GRM8: variants seen among roughly 807,000 people sequenced by gnomAD.
The protein encoded by GRM8 is glutamate metabotropic receptor 8.
Under a neutral mutation model 87.2 loss-of-function variants are expected in GRM8, and 47 were observed. The observed-to-expected ratio is 0.54, with a 90% CI of 0.43 to 0.69. The LOEUF is 0.69. Ranked by LOEUF, GRM8 falls within the 30% of genes least tolerant of loss-of-function variation. The pLI is 0.00. For missense variants in GRM8, 1,019 were observed against 1,139.2 expected, an observed-to-expected ratio of 0.89 and a Z score of 1.52; for synonymous variants, 396 against 404.5, an observed-to-expected ratio of 0.98 and a Z score of 0.25.
At chr7:126,664,890 T>A (rs1428314081) in intron 7 of GRM8, among the ~76,000 whole-genome samples, 4 of 152,114 alleles carry the variant, frequency 2.6e-5, no homozygotes, top group Admixed American at 6.5e-5. Context: ...ATATCCAGAA[T>A]CTATAAGGAA....
At chr7:127,077,654 T>C (rs1284195152) in intron 3 of GRM8, among the ~76,000 whole-genome samples, 1 of 152,176 alleles carries the variant, frequency 6.6e-6, no homozygotes, top group Non-Finnish European at 1.5e-5. Flanking sequence ...AACAAACCAC[T>C]TCGAACTGAC....
At chr7:127,026,275 T>C (rs1816768733) in intron 3 of GRM8, among the ~76,000 whole-genome samples, 1 of 152,186 alleles carries the variant, frequency 6.6e-6, no homozygotes, top group African/African-American at 2.4e-5. Flanking sequence ...TGGTTCCAAG[T>C]CTTTGCTATT....
intron 9 of GRM8, among the ~76,000 whole-genome samples, chr7:126,479,316 A>G (rs1265520895): frequency 6.6e-6 from 1 of 152,094 alleles, no homozygotes; most frequent in Non-Finnish European, 1.5e-5. Flanking sequence ...GAGCTTTGCA[A>G]CCATAAATGT....
chr7:127,162,014 A>G (rs763028302), intron 2 of GRM8, among the ~76,000 whole-genome samples: 8 of 152,204 alleles, frequency 5.3e-5, no homozygotes, highest in Admixed American at 1.3e-4. Context: ...AGTGAACACA[A>G]TGGAATATTA....
chr7:126,812,040 G>A (rs890237135), intron 6 of GRM8, among the ~76,000 whole-genome samples: 6 of 151,692 alleles, frequency 4.0e-5, no homozygotes, highest in Non-Finnish European at 7.4e-5. Flanking sequence ...CATTATTCTG[G>A]TGAAGGATAC....
chr7:126,827,861 C>T (rs994186567), intron 6 of GRM8, among the ~76,000 whole-genome samples: 1 of 152,130 alleles, frequency 6.6e-6, no homozygotes, highest in Non-Finnish European at 1.5e-5. Context: ...TCATAGATAG[C>T]TCTTATTATT....
intron 8 of GRM8, among the ~76,000 whole-genome samples, chr7:126,593,846 A>G (rs1796915825): frequency 6.6e-6 from 1 of 152,074 alleles, no homozygotes; most frequent in African/African-American, 2.4e-5. Context: ...TGTACATTAT[A>G]CATCTGGCTA....
At chr7:127,053,600 C>A (rs1268768600) in intron 3 of GRM8, among the ~76,000 whole-genome samples, 1 of 152,028 alleles carries the variant, frequency 6.6e-6, no homozygotes, top group Non-Finnish European at 1.5e-5. Flanking sequence ...CCAGCCTGAC[C>A]AACATGGAGA....
At chr7:127,049,647 A>G (rs774344370) in intron 3 of GRM8, among the ~76,000 whole-genome samples, 3 of 152,156 alleles carry the variant, frequency 2.0e-5, no homozygotes, top group African/African-American at 4.8e-5. Flanking sequence ...AAACCAAACA[A>G]TAAATACTTA....
intron 3 of GRM8, among the ~76,000 whole-genome samples, chr7:127,098,487 T>C (rs12113542): frequency 0.086 from 13,158 of 152,172 alleles, 1,889 homozygotes; most frequent in African/African-American, 0.3. Context: ...ATTTTAAAAC[T>C]GTACTAAGAT....
At chr7:126,477,599 G>GA (rs1172471071) in intron 9 of GRM8, among the ~76,000 whole-genome samples, 44 of 49,572 alleles carry the variant, frequency 8.9e-4, no homozygotes, top group African/African-American at 1.9e-3. Flanking sequence ...AAGAAAGAAA[G>GA]AAAGAAAGAA....
At chr7:126,894,235 A>G (rs1030137464) in intron 6 of GRM8, among the ~76,000 whole-genome samples, 1 of 152,024 alleles carries the variant, frequency 6.6e-6, no homozygotes, top group Non-Finnish European at 1.5e-5. Context: ...ATGTTTCTGT[A>G]TTTTTCTAAA....
At chr7:127,182,198 A>G (rs1794479900) in intron 2 of GRM8, among the ~76,000 whole-genome samples, 1 of 152,164 alleles carries the variant, frequency 6.6e-6, no homozygotes, top group African/African-American at 2.4e-5. Flanking sequence ...ATAAATAGAC[A>G]ATTCTCAAAA....
At chr7:126,733,005 G>C (rs950154357) in intron 7 of GRM8, among the ~76,000 whole-genome samples, 2 of 151,952 alleles carry the variant, frequency 1.3e-5, no homozygotes, top group Non-Finnish European at 2.9e-5. Flanking sequence ...AAAATTGTCT[G>C]CAATTTTTTT....
In GRM8 at chr7:126,765,210, A is replaced by G. The variant is rs146632396; in HGVS notation, c.1357+4655T>C. Among the ~76,000 whole-genome samples the G allele has an allele frequency of 4.9e-3, 747 of 152,270 alleles. 7 individuals are homozygous for G. Among genetic ancestry groups the G allele is most frequent in the South Asian group, 0.037 (178 of 4,828 alleles). Reference sequence around the variant, plus strand: ...TCTGCTATCCTGTGAACCTAGAAGAAGAGAAAACCAATATAAAGAGAAACA... The same window carrying G: ...TCTGCTATCCTGTGAACCTAGAAGAGGAGAAAACCAATATAAAGAGAAACA... On this transcript the variant is annotated intron_variant, in intron 7 of 10. Transcript: ENST00000339582.
intron 3 of GRM8, among the ~76,000 whole-genome samples, chr7:126,968,606 T>TA (rs762014292): frequency 2.0e-5 from 3 of 152,192 alleles, no homozygotes; most frequent in Non-Finnish European, 4.4e-5. Context: ...GTTTCTTCCA[T>TA]AAAAATCATC....
chr7:126,463,312 G>A (rs550982293), intron 9 of GRM8, among the ~76,000 whole-genome samples: 1 of 151,494 alleles, frequency 6.6e-6, no homozygotes, highest in African/African-American at 2.4e-5. Context: ...CATATACTTT[G>A]AATTATTTTC....
chr7:126,884,679 T>A (rs1188824904), intron 6 of GRM8, among the ~76,000 whole-genome samples: 1 of 152,176 alleles, frequency 6.6e-6, no homozygotes, highest in East Asian at 1.9e-4. Context: ...ATTTTTTAGG[T>A]CTAGTTATTC....
At chr7:127,104,392 G>GT (rs1292574129) in intron 3 of GRM8, among the ~76,000 whole-genome samples, 1 of 152,114 alleles carries the variant, frequency 6.6e-6, no homozygotes, top group Admixed American at 6.5e-5. Flanking sequence ...AATGGGTTAA[G>GT]TTGCTACCAT....
Sources: allele counts gnomAD v4.1 joint callset (sites outside exome capture counted in the v4.1 genomes callset), GRCh38; gene constraint gnomAD v4.1.1; transcripts MANE v1.5; gene names NCBI Gene and HGNC (gene_info 2026-07-23, HGNC 2026-07-21).